Variants in METAP1D observed in about 807,000 individuals in gnomAD.
METAP1D encodes methionine aminopeptidase 1D, mitochondrial.
A neutral mutation model predicts 40.5 loss-of-function variants in METAP1D; 31 were observed. The ratio of observed to expected loss-of-function variants is 0.77; its 90% CI spans 0.58 to 1.03. The LOEUF (loss-of-function observed/expected upper bound fraction) is 1.03. Ranked by LOEUF, METAP1D falls within the 50% of genes least tolerant of loss-of-function variation. The probability of loss-of-function intolerance (pLI) is 0.00; values close to 1 mark genes in which losing one functional copy is unlikely to be tolerated. For missense variants in METAP1D, 411 were observed against 420.7 expected, an observed-to-expected ratio of 0.98 and a Z score of 0.20; for synonymous variants, 151 against 146.4, an observed-to-expected ratio of 1.03 and a Z score of -0.22.
chr2:172,022,977 G>A (rs565730047), intron 1 of METAP1D, among the ~76,000 whole-genome samples: 7 of 152,062 alleles, frequency 4.6e-5, no homozygotes, highest in African/African-American at 1.2e-4. Flanking sequence ...ACCTGAGGTC[G>A]GGAGTTCGAG....
At chr2:172,067,886 TTTC>T in intron 5 of METAP1D, among the ~76,000 whole-genome samples, 1 of 152,224 alleles carries the variant, frequency 6.6e-6, no homozygotes, top group Non-Finnish European at 1.5e-5. Flanking sequence ...ACAAATTATA[TTTC>T]TTATAAAATA....
chr2:172,051,979 A>G (rs909826470), intron 1 of METAP1D, among the ~76,000 whole-genome samples: 1 of 152,042 alleles, frequency 6.6e-6, no homozygotes, highest in African/African-American at 2.4e-5. Context: ...TTTCTGTGGG[A>G]TCTTTGTTAC....
chr2:172,043,009 GTATGTGTACACATATATGTGTATA>G lies in METAP1D; in HGVS notation c.41-18487_41-18464del, dbSNP rs1689645014. ...TGTGTGCGTGTGTACACATATATGT[GTATGTGTACACATATATGTGTATA>G]TGTGTACACGTGTACACATATATGT... On this transcript the variant is annotated intron_variant, in intron 1 of 9. Coordinates refer to ENST00000315796, the MANE Select transcript of METAP1D (RefSeq NM_199227.3). Among the ~76,000 whole-genome samples the G allele has an allele frequency of 1.9e-5, 2 of 102,624 alleles. 1 individual carries two copies. Among genetic ancestry groups the G allele is most frequent in the Non-Finnish European group, 5.1e-5 (2 of 39,116 alleles). 67.3% of individuals were successfully genotyped at this position (102,624 alleles called of 152,430 possible).
intron 1 of METAP1D, among the ~76,000 whole-genome samples, chr2:172,025,900 T>C (rs956795503): frequency 2.0e-5 from 3 of 152,218 alleles, no homozygotes; most frequent in African/African-American, 7.2e-5. Context: ...AAGCAATTGT[T>C]AGATATATCA....
Position 172,042,345 on chromosome 2 carries a change from A to G in METAP1D, c.41-19153A>G, listed in dbSNP as rs755761130. 1.8e-4 allele frequency among the ~76,000 whole-genome samples: 4 copies of G among 22,854 alleles called. 1 individual carries two copies. The highest frequency in any genetic ancestry group is 7.9e-4 in the African/African-American group (3 of 3,780). The allele number at this position is 22,854 out of a possible 152,430, so 15.0% of individuals were successfully genotyped here. A position where few individuals can be genotyped will look rare whatever the true frequency, so the allele number is the denominator to read the frequency against. On this transcript the variant is annotated intron_variant, in intron 1 of 9. Coordinates refer to ENST00000315796, the MANE Select transcript of METAP1D (RefSeq NM_199227.3). The stretch of plus-strand genomic sequence containing the variant: ...TATGTATGTGTACATGTGTACATAT[A>G]TACATATATACATATGTATGTGTAC...
At chr2:172,036,016 C>G (rs929711648) in intron 1 of METAP1D, among the ~76,000 whole-genome samples, 4 of 151,832 alleles carry the variant, frequency 2.6e-5, no homozygotes, top group African/African-American at 9.7e-5. Context: ...GCTGTATAGT[C>G]TTCTGTTTTA....
At chr2:172,012,402 G>A (rs2105381246) in intron 1 of METAP1D, among the ~76,000 whole-genome samples, 1 of 152,256 alleles carries the variant, frequency 6.6e-6, no homozygotes, top group African/African-American at 2.4e-5. Flanking sequence ...CTAGTGAGTG[G>A]GAGACGGGAC....
intron 1 of METAP1D, 106 bp downstream of exon 1, chr2:172,000,115 C>G (rs1212958500): frequency 5.1e-6 from 5 of 989,950 alleles, no homozygotes; most frequent in South Asian, 4.3e-5. Flanking sequence ...TCGGCGCACA[C>G]GACTGTACTT....
Position 172,080,395 on chromosome 2 carries a change from C to A in METAP1D, c.997C>A (p.His333Asn). The change falls in exon 10 of 10, where the codon CAT becomes AAT. Residue 333 changes from histidine to asparagine, a missense_variant. Physicochemically the swap from His to Asn is moderately conservative, Grantham distance 68 (BLOSUM62 1). Coordinates refer to ENST00000315796, the MANE Select transcript of METAP1D (RefSeq NM_199227.3). The stretch of plus-strand genomic sequence containing the variant: ...CGCGCAGATCCTGACCAAACTACCC[C>A]ATGAGGCCTGAGGAGCCGCCCGAAG... The part of the protein sequence containing the change: ...RGAQILTKLP[H>N]EA 8.1e-6 allele frequency: 13 copies of A among 1,614,042 alleles called. No individual in the cohort carries two copies. Among genetic ancestry groups the A allele is most frequent in the Non-Finnish European group, 1.1e-5 (13 of 1,179,902 alleles).
At chr2:172,040,571 C>A (rs1442666902) in intron 1 of METAP1D, among the ~76,000 whole-genome samples, 1 of 152,144 alleles carries the variant, frequency 6.6e-6, no homozygotes, top group Admixed American at 6.5e-5. Flanking sequence ...AGGGGGAGAT[C>A]AAACTAAATA....
intron 1 of METAP1D, among the ~76,000 whole-genome samples, chr2:172,059,920 G>T (rs1038187197): frequency 7.2e-5 from 11 of 152,162 alleles, no homozygotes; most frequent in African/African-American, 2.4e-4. Context: ...GCCTGGTGGT[G>T]CGCGCCTGCA....
In METAP1D at chr2:172,081,914, G is replaced by T; in HGVS notation, c.*1508G>T. The T allele has an allele frequency of 6.6e-6, 1 of 152,388 alleles. No homozygotes were observed. The highest frequency in any genetic ancestry group is 1.5e-5 in the Non-Finnish European group (1 of 68,120). 9.4% of individuals were successfully genotyped at this position (152,388 alleles called of 1,614,324 possible). A position where few individuals can be genotyped will look rare whatever the true frequency, so the allele number is the denominator to read the frequency against. On this transcript the variant is annotated 3_prime_UTR_variant, in exon 10 of 10. Coordinates refer to ENST00000315796, the MANE Select transcript of METAP1D (RefSeq NM_199227.3). ...TGGCTCGGAAAAGAGATGAGTTCCA[G>T]CTTTTACCTAACACAGGGTTCTCTC...
At chr2:172,072,927 G>T (rs1293623630) in intron 6 of METAP1D, among the ~76,000 whole-genome samples, 1 of 152,130 alleles carries the variant, frequency 6.6e-6, no homozygotes, top group Non-Finnish European at 1.5e-5. Flanking sequence ...AGATGTGCTA[G>T]GAACAGGCTA....
At chr2:172,030,089 TA>T (rs1392972942) in intron 1 of METAP1D, among the ~76,000 whole-genome samples, 4 of 148,720 alleles carry the variant, frequency 2.7e-5, no homozygotes, top group East Asian at 3.9e-4. Context: ...TTTATTTATT[TA>T]TTTATTTATT....
At chr2:172,077,681 C>T (rs559189610) in intron 6 of METAP1D, 116 bp from the exon 7 acceptor site, 1 of 556,422 alleles carries the variant, frequency 1.8e-6, no homozygotes, top group East Asian at 3.1e-5. Context: ...TTATCTGACT[C>T]TAAATATTAC....
intron 1 of METAP1D, among the ~76,000 whole-genome samples, chr2:172,037,340 T>G (rs1689420204): frequency 6.6e-6 from 1 of 152,008 alleles, no homozygotes; most frequent in African/African-American, 2.4e-5. Context: ...GTACAGAGAC[T>G]CTTTCTGGTC....
At chr2:172,042,751 A>G (rs1404090661) in intron 1 of METAP1D, among the ~76,000 whole-genome samples, 1 of 40,958 alleles carries the variant, frequency 2.4e-5, no homozygotes, top group Non-Finnish European at 5.0e-5. Context: ...GTGTATATGT[A>G]CACATATACG....
At position 172,061,388 on chromosome 2, in the gene METAP1D, G is replaced by A. The variant is rs374934621; in HGVS notation, c.41-110G>A. 3.8e-5 allele frequency: 36 copies of A among 938,188 alleles called. No individual in the cohort carries two copies. The East Asian group carries it at 3.9e-4, about 10-fold the overall frequency. 58.1% of individuals were successfully genotyped at this position (938,188 alleles called of 1,614,324 possible). A position where few individuals can be genotyped will look rare whatever the true frequency, so the allele number is the denominator to read the frequency against. ...TCTATTTGGGGCTTTTCCTTTTTCAGTCAATAAGGTATTAGAATAATGATT... is the reference window on the plus strand; with the variant it reads ...TCTATTTGGGGCTTTTCCTTTTTCAATCAATAAGGTATTAGAATAATGATT... On this transcript the variant is annotated intron_variant, in intron 1 of 9. Coordinates refer to ENST00000315796, the MANE Select transcript of METAP1D (RefSeq NM_199227.3).
Position 172,001,369 on chromosome 2 carries a change from G to A in METAP1D, c.40+1360G>A, listed in dbSNP as rs141659267. Among the ~76,000 whole-genome samples the A allele has an allele frequency of 0.024, 3,622 of 151,280 alleles. 485 individuals are homozygous for A. The East Asian group carries it at 0.41, about 17-fold the overall frequency. On this transcript the variant is annotated intron_variant, in intron 1 of 9. Coordinates refer to ENST00000315796, the MANE Select transcript of METAP1D (RefSeq NM_199227.3). ...AGCCTGGCCAACATGGTGAAACCCC[G>A]TCTCTACTAATATACACAATTAGCT...
Sources: allele counts gnomAD v4.1 joint callset (sites outside exome capture counted in the v4.1 genomes callset), GRCh38; gene constraint gnomAD v4.1.1; transcripts MANE v1.5; gene names NCBI Gene and HGNC (gene_info 2026-07-23, HGNC 2026-07-21).